The following BAIAP2L1 variants were observed in gnomAD, a reference collection of about 807,000 sequenced individuals.
BAIAP2L1 encodes the protein BAR/IMD domain containing adaptor protein 2 like 1.
A neutral mutation model predicts 66.3 loss-of-function variants in BAIAP2L1; 35 were observed. That is an observed-to-expected ratio of 0.53 (90% CI 0.40 to 0.70). BAIAP2L1 has a LOEUF of 0.70. BAIAP2L1 is among the 30% of genes least tolerant of loss of function. The probability of loss-of-function intolerance (pLI) is 0.00; values close to 1 mark genes in which losing one functional copy is unlikely to be tolerated. For missense variants in BAIAP2L1, 622 were observed against 656.9 expected (o/e 0.95, Z 0.58); for synonymous variants, 269 against 248.7 (o/e 1.08, Z -0.77).
chr7:98,396,295 C>T (rs569554276), intron 1 of BAIAP2L1, among the ~76,000 whole-genome samples: 179 of 152,204 alleles, frequency 1.2e-3, no homozygotes, highest in Non-Finnish European at 1.8e-3. Context: ...CCTCGAACTC[C>T]TGGGCTCAAG....
chr7:98,304,706 C>T (rs974945914), intron 11 of BAIAP2L1, among the ~76,000 whole-genome samples: 1 of 151,892 alleles, frequency 6.6e-6, no homozygotes, highest in Non-Finnish European at 1.5e-5. Context: ...CGCCAGTGTG[C>T]CCAGCTAATT....
intron 1 of BAIAP2L1, among the ~76,000 whole-genome samples, chr7:98,384,675 T>A (rs1365162334): frequency 6.8e-6 from 1 of 147,282 alleles, no homozygotes; most frequent in Admixed American, 6.9e-5. Flanking sequence ...CCAGACTCTG[T>A]GAGACAGATC....
At chr7:98,324,751 G>C (rs1370340515) in intron 3 of BAIAP2L1, among the ~76,000 whole-genome samples, 3 of 152,126 alleles carry the variant, frequency 2.0e-5, no homozygotes, top group Non-Finnish European at 1.5e-5. Context: ...CTACTCAGGA[G>C]ACAGAGCAAG....
intron 2 of BAIAP2L1, among the ~76,000 whole-genome samples, chr7:98,362,079 T>A (rs762184148): frequency 1.3e-5 from 2 of 152,346 alleles, no homozygotes; most frequent in South Asian, 4.1e-4. Context: ...ACACATTTTA[T>A]ATTTGTTAGT....
rs1801206066 is a variant in BAIAP2L1 at position 98,320,258 on chromosome 7, G to A, written c.255C>T (p.Leu85=). ...LIEISSTHKK[L]NESLDENFKK... ...GTACATTTTCATCAAGACTCTCGTT[G>A]AGTTTCTTGTGGGTACTTGAAATCT... Residue 85 remains leucine, a synonymous_variant, in exon 4 of 14, where the codon CTC becomes CTT. Transcript: ENST00000005260. The A allele has an allele frequency of 3.1e-6, 5 of 1,610,102 alleles. No individual in the cohort carries two copies. The highest frequency in any genetic ancestry group is 4.2e-6 in the Non-Finnish European group (5 of 1,177,294).
In BAIAP2L1 at chr7:98,331,247, C is replaced by T. The variant is rs75977242; in HGVS notation, c.215-10949G>A. 2.0e-5 allele frequency among the ~76,000 whole-genome samples: 3 copies of T among 151,896 alleles called. No homozygotes were observed. The South Asian group carries it at 6.2e-4, about 32-fold the overall frequency. ...ATATCCAAGAACTGCGGGAAAATTACAAAAGGTATAAATAGCCACAATGGA... is the reference window on the plus strand; with the variant it reads ...ATATCCAAGAACTGCGGGAAAATTATAAAAGGTATAAATAGCCACAATGGA... On this transcript the variant is annotated intron_variant, in intron 3 of 13. Coordinates refer to ENST00000005260, the MANE Select transcript of BAIAP2L1 (RefSeq NM_018842.5).
At chr7:98,359,744 G>GGTT (rs1187231480) in intron 2 of BAIAP2L1, among the ~76,000 whole-genome samples, 5 of 100,064 alleles carry the variant, frequency 5.0e-5, no homozygotes, top group Non-Finnish European at 7.3e-5. Context: ...TGTAGACCTG[G>GGTT]GTTTTTTTTT....
chr7:98,361,339 A>G (rs549112107), intron 2 of BAIAP2L1, among the ~76,000 whole-genome samples: 2 of 151,810 alleles, frequency 1.3e-5, no homozygotes, highest in East Asian at 3.9e-4. Flanking sequence ...CCTGGGCGAC[A>G]GAGCAAGACT....
At chr7:98,294,482 C>T (rs1030170585) in intron 12 of BAIAP2L1, among the ~76,000 whole-genome samples, 1 of 152,228 alleles carries the variant, frequency 6.6e-6, no homozygotes, top group South Asian at 2.1e-4. Flanking sequence ...ATGGCACTGC[C>T]TGCGCGGGTC....
At chr7:98,391,849 A>C (rs967870137) in intron 1 of BAIAP2L1, among the ~76,000 whole-genome samples, 1 of 152,176 alleles carries the variant, frequency 6.6e-6, no homozygotes, top group Non-Finnish European at 1.5e-5. Context: ...CTGAAAGGTC[A>C]CAGAGCTGTA....
intron 3 of BAIAP2L1, among the ~76,000 whole-genome samples, chr7:98,340,612 G>A (rs910016051): frequency 1.3e-5 from 2 of 152,102 alleles, no homozygotes; most frequent in Admixed American, 1.3e-4. Context: ...ACTAATTATA[G>A]TACATTGAGT....
chr7:98,380,386 G>A (rs1458670103), intron 1 of BAIAP2L1, among the ~76,000 whole-genome samples: 1 of 152,110 alleles, frequency 6.6e-6, no homozygotes, highest in Non-Finnish European at 1.5e-5. Context: ...GCTGGTCTCA[G>A]AATCATGGTG....
At chr7:98,310,230 T>C in intron 9 of BAIAP2L1, 1 of 520,370 alleles carries the variant, frequency 1.9e-6, no homozygotes, top group Admixed American at 4.2e-5. Context: ...AACTGGTAAA[T>C]GTCAGAGAAA....
At chr7:98,386,988 C>G (rs950523077) in intron 1 of BAIAP2L1, among the ~76,000 whole-genome samples, 1 of 152,064 alleles carries the variant, frequency 6.6e-6, no homozygotes, top group Non-Finnish European at 1.5e-5. Context: ...CGTGAGCCAC[C>G]GTGCCTGGCC....
At chr7:98,388,477 G>T (rs1375016824) in intron 1 of BAIAP2L1, among the ~76,000 whole-genome samples, 1 of 148,422 alleles carries the variant, frequency 6.7e-6, no homozygotes, top group Non-Finnish European at 1.5e-5. Flanking sequence ...TGAGTGACAG[G>T]GCGAGACTCC....
At chr7:98,336,940 T>C (rs1447497555) in intron 3 of BAIAP2L1, among the ~76,000 whole-genome samples, 2 of 152,164 alleles carry the variant, frequency 1.3e-5, no homozygotes, top group African/African-American at 4.8e-5. Flanking sequence ...CTGGATGAAA[T>C]TAGACAAGTC....
At chr7:98,348,292 C>T (rs375545417) in intron 3 of BAIAP2L1, among the ~76,000 whole-genome samples, 3 of 151,986 alleles carry the variant, frequency 2.0e-5, no homozygotes, top group South Asian at 4.1e-4. Flanking sequence ...TCTGGCCAGG[C>T]GCAGTGGCTC....
chr7:98,401,010 T>G lies in BAIAP2L1; in HGVS notation c.-158A>C. On this transcript the variant is annotated 5_prime_UTR_variant, in exon 1 of 14. Coordinates refer to ENST00000005260, the MANE Select transcript of BAIAP2L1 (RefSeq NM_018842.5). ...CGAGAGTGCCCGCGCGCGTCTCCGC[T>G]GCGAAAATGTCAAAACTTGCGGCAG... 1 of 539,536 alleles carries G rather than the reference T, an allele frequency of 1.9e-6. No individual in the cohort carries two copies. The highest frequency in any genetic ancestry group is 2.8e-6 in the Non-Finnish European group (1 of 351,488). 33.4% of individuals were successfully genotyped at this position (539,536 alleles called of 1,614,324 possible).
chr7:98,335,292 T>A (rs1801591803), intron 3 of BAIAP2L1, among the ~76,000 whole-genome samples: 1 of 141,418 alleles, frequency 7.1e-6, no homozygotes, highest in Non-Finnish European at 1.6e-5. Context: ...CTTCCAACGC[T>A]GACCATGGGG....
Sources: allele counts gnomAD v4.1 joint callset (sites outside exome capture counted in the v4.1 genomes callset), GRCh38; gene constraint gnomAD v4.1.1; transcripts MANE v1.5; gene names NCBI Gene and HGNC (gene_info 2026-07-23, HGNC 2026-07-21).